DLG2: variants seen among roughly 807,000 people sequenced by gnomAD.
The protein encoded by DLG2 is discs large MAGUK scaffold protein 2, also known as disks large homolog 2.
DLG2 carries 45 observed loss-of-function variants against 132.5 expected under a neutral mutation model. The observed-to-expected ratio is 0.34, with a 90% CI of 0.27 to 0.44. The LOEUF (loss-of-function observed/expected upper bound fraction) is 0.44. Ranked by LOEUF, DLG2 falls within the 20% of genes least tolerant of loss-of-function variation. The probability of loss-of-function intolerance (pLI) is 1.00; values close to 1 mark genes in which losing one functional copy is unlikely to be tolerated. For missense variants in DLG2, 1,045 were observed against 1,196.9 expected (o/e 0.87, Z 1.87); for synonymous variants, 424 against 419.6 (o/e 1.01, Z -0.13).
intron 17 of DLG2, among the ~76,000 whole-genome samples, chr11:83,808,424 T>C (rs1378510759): frequency 6.6e-6 from 1 of 152,102 alleles, no homozygotes; most frequent in African/African-American, 2.4e-5. Context: ...CCACATCTTG[T>C]GAGACCAAGA....
chr11:84,606,448 T>C (rs183603820), intron 6 of DLG2, among the ~76,000 whole-genome samples: 2 of 152,266 alleles, frequency 1.3e-5, no homozygotes, highest in African/African-American at 4.8e-5. Context: ...CTTCTAAATA[T>C]TTTTTCTATA....
chr11:85,383,239 T>A (rs2086044541), intron 3 of DLG2, among the ~76,000 whole-genome samples: 1 of 152,182 alleles, frequency 6.6e-6, no homozygotes, highest in Admixed American at 6.5e-5. Flanking sequence ...CTACATGTTG[T>A]ATGATTTCAT....
intron 6 of DLG2, among the ~76,000 whole-genome samples, chr11:84,646,131 G>A (rs988057439): frequency 6.6e-6 from 1 of 152,188 alleles, no homozygotes; most frequent in Non-Finnish European, 1.5e-5. Flanking sequence ...CAAGGTGGGG[G>A]TGCGGCTGTA....
At chr11:84,906,197 T>A (rs1485421965) in intron 6 of DLG2, among the ~76,000 whole-genome samples, 1 of 151,240 alleles carries the variant, frequency 6.6e-6, no homozygotes, top group Non-Finnish European at 1.5e-5. Flanking sequence ...TTTTTTTTTA[T>A]CTTTATCTTG....
At chr11:85,389,886 G>A (rs1237567457) in intron 3 of DLG2, among the ~76,000 whole-genome samples, 1 of 152,014 alleles carries the variant, frequency 6.6e-6, no homozygotes, top group Non-Finnish European at 1.5e-5. Flanking sequence ...ACAAATCCTT[G>A]AAATACACCA....
intron 18 of DLG2, among the ~76,000 whole-genome samples, chr11:83,726,948 TC>T (rs1369314848): frequency 6.6e-6 from 1 of 152,072 alleles, no homozygotes; most frequent in Non-Finnish European, 1.5e-5. Context: ...TCTTACCTCT[TC>T]CCAATCACCA....
In DLG2 at chr11:83,750,548, A is replaced by G. The variant is rs548373341; in HGVS notation, c.1825+36142T>C. Among the ~76,000 whole-genome samples, 3 of 152,332 alleles carry G rather than the reference A, an allele frequency of 2.0e-5. No individual in the cohort carries two copies. The East Asian group carries it at 5.8e-4, about 29-fold the overall frequency. On this transcript the variant is annotated intron_variant, in intron 18 of 27. Transcript: ENST00000376104. ...GGCTCTACTCCTTGCTGTACCCTAC[A>G]TTCATCTCTACTTTCATCTGTTCTA...
chr11:84,829,743 C>T (rs1204888175), intron 6 of DLG2, among the ~76,000 whole-genome samples: 1 of 151,528 alleles, frequency 6.6e-6, no homozygotes, highest in Non-Finnish European at 1.5e-5. Flanking sequence ...ACAGATAAAG[C>T]CTTCAATAAG....
chr11:84,937,587 T>C (rs2048900790), intron 6 of DLG2, among the ~76,000 whole-genome samples: 1 of 152,098 alleles, frequency 6.6e-6, no homozygotes, highest in Non-Finnish European at 1.5e-5. Flanking sequence ...AGGATTTTAA[T>C]AACTGAAGAT....
chr11:83,556,414 C>T (rs2096520125), intron 19 of DLG2, among the ~76,000 whole-genome samples: 1 of 151,588 alleles, frequency 6.6e-6, no homozygotes, highest in Non-Finnish European at 1.5e-5. Context: ...ACTCTGTCAC[C>T]CAGGCTGGAG....
chr11:84,853,161 G>C (rs1299521250), intron 6 of DLG2, among the ~76,000 whole-genome samples: 1 of 151,846 alleles, frequency 6.6e-6, no homozygotes, highest in African/African-American at 2.4e-5. Context: ...GAGGAGCAAG[G>C]TTTCCTGAGT....
chr11:83,985,233 TC>T (rs1453777206), intron 11 of DLG2, among the ~76,000 whole-genome samples: 2 of 152,060 alleles, frequency 1.3e-5, no homozygotes, highest in East Asian at 3.9e-4. Flanking sequence ...AATGCCCCTG[TC>T]CCCCATCCCT....
At chr11:84,329,261 T>C in intron 7 of DLG2, among the ~76,000 whole-genome samples, 1 of 152,186 alleles carries the variant, frequency 6.6e-6, no homozygotes, top group South Asian at 2.1e-4. Context: ...GAATTGAACT[T>C]GGAAAATGTG....
chr11:84,606,024 T>C (rs2099584991), intron 6 of DLG2, among the ~76,000 whole-genome samples: 1 of 152,100 alleles, frequency 6.6e-6, no homozygotes, highest in African/African-American at 2.4e-5. Context: ...CTGATCACAT[T>C]CTACTTTTCT....
At chr11:84,173,744 A>G (rs936354888) in intron 8 of DLG2, among the ~76,000 whole-genome samples, 1 of 152,164 alleles carries the variant, frequency 6.6e-6, no homozygotes, top group Admixed American at 6.5e-5. Flanking sequence ...AAAATAATCA[A>G]CAAAAGCTTT....
chr11:83,770,025 G>A (rs538616927), intron 18 of DLG2, among the ~76,000 whole-genome samples: 17 of 152,120 alleles, frequency 1.1e-4, no homozygotes, highest in African/African-American at 2.9e-4. Flanking sequence ...GCAATAACCC[G>A]TCCACATGAC....
At chr11:84,167,900 A>G (rs1018406226) in intron 8 of DLG2, among the ~76,000 whole-genome samples, 1 of 152,186 alleles carries the variant, frequency 6.6e-6, no homozygotes, top group African/African-American at 2.4e-5. Flanking sequence ...TCCTGACCTC[A>G]GGAGATCCAC....
chr11:85,377,803 ATGTGTGTGTGTG>A (rs1555086383), intron 3 of DLG2, among the ~76,000 whole-genome samples: 5 of 131,290 alleles, frequency 3.8e-5, no homozygotes, highest in Non-Finnish European at 6.5e-5. Context: ...ATATATATAT[ATGTGTGTGTGTG>A]TGTGTGTGTA....
chr11:85,509,087 G>A (rs1207184578), intron 3 of DLG2, among the ~76,000 whole-genome samples: 1 of 151,988 alleles, frequency 6.6e-6, no homozygotes, highest in Non-Finnish European at 1.5e-5. Context: ...ACATATTACT[G>A]ATTTTGAAGC....
Sources: gnomAD v4.1 joint callset for allele counts (sites outside exome capture counted in the v4.1 genomes callset) on GRCh38, gnomAD v4.1.1 for gene constraint, MANE v1.5 for transcripts, NCBI Gene and HGNC (gene_info 2026-07-23, HGNC 2026-07-21) for gene names.